Variants in XKR6 observed in about 807,000 individuals in gnomAD.
The protein encoded by XKR6 is XK-related protein 6.
In XKR6, 22 loss-of-function variants were observed where a neutral mutation model predicts 56.7. The ratio of observed to expected loss-of-function variants is 0.39; its 90% CI spans 0.28 to 0.55. XKR6 has a LOEUF of 0.55. Among genes scored for constraint, XKR6 ranks in the 20% least tolerant of loss-of-function variants. XKR6 has a pLI of 0.66. For synonymous variants in XKR6, 524 were observed against 387.8 expected (o/e 1.35, Z -4.13); for missense variants, 852 against 889.0 (o/e 0.96, Z 0.53).
intron 1 of XKR6, among the ~76,000 whole-genome samples, chr8:10,959,784 C>T (rs1273479922): frequency 6.6e-6 from 1 of 152,282 alleles, no homozygotes; most frequent in East Asian, 1.9e-4. Context: ...GAGGAACAAT[C>T]CTCTGAGAAC....
chr8:11,110,684 G>A (rs1239081914), intron 1 of XKR6, among the ~76,000 whole-genome samples: 1 of 152,094 alleles, frequency 6.6e-6, no homozygotes, highest in African/African-American at 2.4e-5. Flanking sequence ...CCCAGGAACA[G>A]GTAAGAAAAA....
intron 1 of XKR6, among the ~76,000 whole-genome samples, chr8:11,170,635 T>C (rs998193822): frequency 5.3e-5 from 8 of 152,220 alleles, no homozygotes; most frequent in Non-Finnish European, 8.8e-5. Flanking sequence ...TGGTAATCGT[T>C]GCACAACTCT....
At chr8:11,120,268 AT>A (rs1799382677) in intron 1 of XKR6, among the ~76,000 whole-genome samples, 1 of 152,202 alleles carries the variant, frequency 6.6e-6, no homozygotes, top group African/African-American at 2.4e-5. Flanking sequence ...AGATGACATG[AT>A]TGTATATTTA....
intron 1 of XKR6, among the ~76,000 whole-genome samples, chr8:11,102,179 C>T (rs567165722): frequency 6.6e-6 from 1 of 152,216 alleles, no homozygotes; most frequent in South Asian, 2.1e-4. Flanking sequence ...ACATCTTTTC[C>T]CCTGCAAGTT....
intron 1 of XKR6, among the ~76,000 whole-genome samples, chr8:11,050,990 G>A (rs1799531849): frequency 6.6e-6 from 1 of 151,962 alleles, no homozygotes; most frequent in Admixed American, 6.6e-5. Context: ...TCTCTGTTTC[G>A]CCTTGGAGCA....
At chr8:11,086,044 C>T (rs1025303549) in intron 1 of XKR6, among the ~76,000 whole-genome samples, 1 of 151,760 alleles carries the variant, frequency 6.6e-6, no homozygotes, top group Admixed American at 6.6e-5. Flanking sequence ...CCCGAGTGCC[C>T]CGGAGGACAC....
intron 1 of XKR6, among the ~76,000 whole-genome samples, chr8:10,983,865 C>G (rs1481159518): frequency 6.6e-6 from 1 of 152,020 alleles, no homozygotes; most frequent in Non-Finnish European, 1.5e-5. Context: ...CCGTGTTAGC[C>G]AGGATGGTCT....
chr8:10,926,409 T>C (rs1199120953), intron 1 of XKR6, among the ~76,000 whole-genome samples: 1 of 152,028 alleles, frequency 6.6e-6, no homozygotes, highest in Non-Finnish European at 1.5e-5. Context: ...CCGGCTTCTC[T>C]CTAGATTCCT....
intron 1 of XKR6, among the ~76,000 whole-genome samples, chr8:11,152,714 C>T (rs1424071696): frequency 1.1e-4 from 16 of 152,210 alleles, no homozygotes; most frequent in Non-Finnish European, 1.9e-4. Context: ...AGAACTAAAG[C>T]GCCATGCCAA....
chr8:11,178,549 T>TATATATATATATACAC lies in XKR6; in HGVS notation c.764+22026_764+22027insGTGTATATATATATAT, dbSNP rs1554479873. Among the ~76,000 whole-genome samples the TATATATATATATACAC allele has an allele frequency of 3.1e-5, 3 of 96,676 alleles. No individual in the cohort carries two copies. The African/African-American group carries it at 3.2e-4, about 10-fold the overall frequency. 63.4% of individuals were successfully genotyped at this position (96,676 alleles called of 152,430 possible). Reference sequence around the variant, plus strand: ...AGTCCAAACATCTGAGAGGTAAAAATATATATATATATATATATATATATG... The same window carrying TATATATATATATACAC: ...AGTCCAAACATCTGAGAGGTAAAAATATATATATATATACACATATATATATATATATATATATATG... On this transcript the variant is annotated intron_variant, in intron 1 of 2. Coordinates refer to ENST00000416569, the MANE Select transcript of XKR6 (RefSeq NM_173683.4).
intron 1 of XKR6, among the ~76,000 whole-genome samples, chr8:11,054,910 C>T (rs1799642607): frequency 6.6e-6 from 1 of 152,126 alleles, no homozygotes; most frequent in African/African-American, 2.4e-5. Context: ...TTTCCTAATT[C>T]ATGCAAAGGC....
At chr8:11,048,065 G>C (rs1799452786) in intron 1 of XKR6, among the ~76,000 whole-genome samples, 1 of 152,244 alleles carries the variant, frequency 6.6e-6, no homozygotes, top group East Asian at 1.9e-4. Flanking sequence ...TAGCAACCCA[G>C]AGTGATAACA....
chr8:11,030,046 G>C (rs976697594), intron 1 of XKR6, among the ~76,000 whole-genome samples: 3 of 152,070 alleles, frequency 2.0e-5, no homozygotes, highest in Non-Finnish European at 4.4e-5. Context: ...CCCTACTGCT[G>C]CTTGGATAAA....
chr8:10,918,009 T>G (rs577229390), intron 2 of XKR6, among the ~76,000 whole-genome samples: 5 of 152,310 alleles, frequency 3.3e-5, no homozygotes, highest in African/African-American at 1.2e-4. Context: ...CTTCCAAGGT[T>G]TTGGGGCCAA....
chr8:11,111,370 A>C (rs1044282025), intron 1 of XKR6, among the ~76,000 whole-genome samples: 1 of 152,100 alleles, frequency 6.6e-6, no homozygotes, highest in African/African-American at 2.4e-5. Context: ...GTCTCATTTT[A>C]AAAACTGGTA....
In XKR6 at chr8:10,924,702, T is replaced by C; in HGVS notation, c.893A>G (p.Glu298Gly). Residue 298 changes from glutamate (E) to glycine (G), a missense_variant, in exon 2 of 3, where the codon GAG becomes GGG. Physicochemically the swap from Glu to Gly is moderately conservative, Grantham distance 98. Coordinates refer to ENST00000416569, the MANE Select transcript of XKR6 (RefSeq NM_173683.4). ...NMLRLLETFL[E>G]SAPQLVLQLY... ...CTGTAGCACCAGTTGGGGCGCGCTCTCCAGGAAGGTCTCCAGGAGGCGCAG... is the reference window on the plus strand; with the variant it reads ...CTGTAGCACCAGTTGGGGCGCGCTCCCCAGGAAGGTCTCCAGGAGGCGCAG... The C allele has an allele frequency of 6.2e-7, 1 of 1,613,588 alleles. No individual in the cohort carries two copies.
At chr8:10,961,463 G>C (rs1003998667) in intron 1 of XKR6, among the ~76,000 whole-genome samples, 4 of 152,246 alleles carry the variant, frequency 2.6e-5, no homozygotes, top group African/African-American at 9.6e-5. Context: ...GGAAATAGGA[G>C]TCGGGGTGGA....
At chr8:11,038,944 G>T (rs17152797) in intron 1 of XKR6, among the ~76,000 whole-genome samples, 23,746 of 152,074 alleles carry the variant, frequency 0.16, 2,869 homozygotes, top group African/African-American at 0.35. Flanking sequence ...ACACTCACTC[G>T]TTTCCCACTA....
chr8:11,126,040 GT>G (rs1403905025), intron 1 of XKR6: 12 of 150,166 alleles, frequency 8.0e-5, no homozygotes, highest in South Asian at 2.1e-4. Flanking sequence ...TACTTTGGCA[GT>G]TTTTTTTTGG....
Sources: allele counts gnomAD v4.1 joint callset (sites outside exome capture counted in the v4.1 genomes callset), GRCh38; gene constraint gnomAD v4.1.1; transcripts MANE v1.5; gene names NCBI Gene and HGNC (gene_info 2026-07-23, HGNC 2026-07-21).